Variants in ADAMTS16 observed in about 807,000 individuals in gnomAD.
ADAMTS16 encodes ADAM metallopeptidase with thrombospondin type 1 motif 16.
In ADAMTS16, 94 loss-of-function variants were observed where a neutral mutation model predicts 145.8. The ratio of observed to expected loss-of-function variants is 0.64; its 90% confidence interval spans 0.55 to 0.77. ADAMTS16 has a LOEUF of 0.77. ADAMTS16 is among the 30% of genes least tolerant of loss of function. The pLI is 0.00. For missense variants in ADAMTS16, 1,585 were observed against 1,591.5 expected (o/e 1.00, Z 0.07); for synonymous variants, 659 against 604.3 (o/e 1.09, Z -1.33).
chr5:5,304,791 T>G (rs1739958612), intron 20 of ADAMTS16, among the ~76,000 whole-genome samples: 1 of 152,064 alleles, frequency 6.6e-6, no homozygotes. Flanking sequence ...AGGGTAGGAA[T>G]GAGTGTCCCA....
At chr5:5,209,274 G>A (rs370863865) in intron 10 of ADAMTS16, 28 bp downstream of exon 10, 1 of 1,610,088 alleles carries the variant, frequency 6.2e-7, no homozygotes, top group Non-Finnish European at 8.5e-7. Flanking sequence ...CATGCTCAAT[G>A]CAACATGATT....
chr5:5,182,774 T>C lies in ADAMTS16; in HGVS notation c.763+469T>C, dbSNP rs1735377224. Among the ~76,000 whole-genome samples the C allele has an allele frequency of 7.0e-5, 10 of 143,224 alleles. No individual in the cohort carries two copies. In the South Asian group the frequency reaches 2.2e-3, roughly 32 times the overall value. 94.0% of individuals were successfully genotyped at this position (143,224 alleles called of 152,430 possible). A position where few individuals can be genotyped will look rare whatever the true frequency, so the allele number is the denominator to read the frequency against. On this transcript the variant is annotated intron_variant, in intron 4 of 22. Transcript: ENST00000274181. ...GACCTGCGATTTATCACCAAAGCTT[T>C]ATCAGAGTCTTTTTTTGTCATGAAC...
Position 5,186,265 on chromosome 5 carries a change from T to G in ADAMTS16, c.963+14T>G. 1 of 1,611,026 alleles carries G rather than the reference T, an allele frequency of 6.2e-7. No individual in the cohort carries two copies. The highest frequency in any genetic ancestry group is 8.5e-7 in the Non-Finnish European group (1 of 1,178,794). The stretch of plus-strand genomic sequence containing the variant: ...ATACTCAACATGGTAGGATCATCCT[T>G]CCAGTTGAGGCCACCTGTGTCATTG... On this transcript the variant is annotated intron_variant, in intron 5 of 22. Transcript: ENST00000274181.
At chr5:5,288,689 G>A (rs11134104) in intron 18 of ADAMTS16, among the ~76,000 whole-genome samples, 128,957 of 152,278 alleles carry the variant, frequency 0.85, 55,043 homozygotes, top group Non-Finnish European at 0.89. Flanking sequence ...ATTACTAAAT[G>A]TATACATTTT....
chr5:5,295,719 G>A (rs1303674907), intron 18 of ADAMTS16, among the ~76,000 whole-genome samples: 1 of 152,238 alleles, frequency 6.6e-6, no homozygotes, highest in Middle Eastern at 3.2e-3. Flanking sequence ...GTCCAGAGAT[G>A]AACGGAGCAG....
chr5:5,167,936 T>C (rs1734927302), intron 3 of ADAMTS16, among the ~76,000 whole-genome samples: 1 of 152,254 alleles, frequency 6.6e-6, no homozygotes, highest in Non-Finnish European at 1.5e-5. Flanking sequence ...TTTAACTGTA[T>C]CCAATTTTAA....
chr5:5,239,363 G>A, intron 15 of ADAMTS16, 89 bp downstream of exon 15: 2 of 1,487,238 alleles, frequency 1.3e-6, no homozygotes, highest in Non-Finnish European at 1.8e-6. Flanking sequence ...AGTGAAAACA[G>A]CAGGACTTCC....
chr5:5,293,577 A>G (rs985257883), intron 18 of ADAMTS16, among the ~76,000 whole-genome samples: 4 of 152,134 alleles, frequency 2.6e-5, no homozygotes, highest in Non-Finnish European at 5.9e-5. Context: ...CTTGGATGCT[A>G]TGAGAGGGGG....
intron 3 of ADAMTS16, among the ~76,000 whole-genome samples, chr5:5,159,537 AT>A (rs1320743806): frequency 1.3e-5 from 2 of 152,218 alleles, no homozygotes; most frequent in African/African-American, 4.8e-5. Context: ...TGTAATACAA[AT>A]AAAATCTAAT....
At chr5:5,199,193 T>C (rs528681646) in intron 8 of ADAMTS16, among the ~76,000 whole-genome samples, 38 of 152,296 alleles carry the variant, frequency 2.5e-4, no homozygotes, top group South Asian at 1.2e-3. Context: ...AAGAAGAGAC[T>C]TGCTGATGAC....
chr5:5,233,869 T>C (rs1341176876), intron 12 of ADAMTS16, among the ~76,000 whole-genome samples: 2 of 152,246 alleles, frequency 1.3e-5, no homozygotes, highest in Non-Finnish European at 2.9e-5. Context: ...AGTAATGGGA[T>C]TGCTGGGTCA....
rs548170351 is a variant in ADAMTS16, at chr5:5,256,450, T to C, written c.2663-6207T>C. Among the ~76,000 whole-genome samples, 9 of 152,078 alleles carry C rather than the reference T, an allele frequency of 5.9e-5. 1 individual carries two copies. In the South Asian group the frequency reaches 1.9e-3, roughly 32 times the overall value. On this transcript the variant is annotated intron_variant, in intron 17 of 22. Transcript: ENST00000274181. ...GATAAACACAGTGTTTTTCATTGAGTTTTAAATTTTTTTACTACATTGTTA... is the reference window on the plus strand; with the variant it reads ...GATAAACACAGTGTTTTTCATTGAGCTTTAAATTTTTTTACTACATTGTTA...
intron 21 of ADAMTS16, among the ~76,000 whole-genome samples, chr5:5,311,711 T>C (rs1379588810): frequency 6.6e-6 from 1 of 151,148 alleles, no homozygotes; most frequent in African/African-American, 2.4e-5. Context: ...CATGCCCAGC[T>C]AGTTTTTGTT....
chr5:5,313,235 C>A (rs1315613087), intron 21 of ADAMTS16, among the ~76,000 whole-genome samples: 1 of 152,122 alleles, frequency 6.6e-6, no homozygotes, highest in African/African-American at 2.4e-5. Context: ...CACTTGTGCC[C>A]AAGTCTCTGC....
At chr5:5,171,016 T>C (rs1171173265) in intron 3 of ADAMTS16, among the ~76,000 whole-genome samples, 11 of 152,322 alleles carry the variant, frequency 7.2e-5, no homozygotes, top group Middle Eastern at 6.8e-3. Context: ...AGGTATTGTA[T>C]TTTATTTGTA....
intron 18 of ADAMTS16, among the ~76,000 whole-genome samples, chr5:5,277,987 A>C (rs1170957220): frequency 6.6e-6 from 1 of 152,224 alleles, no homozygotes; most frequent in Non-Finnish European, 1.5e-5. Context: ...GTCTTAAAAA[A>C]AAGAAAAAAA....
intron 2 of ADAMTS16, 51 bp downstream of exon 2, chr5:5,140,817 A>T: frequency 6.8e-7 from 1 of 1,473,518 alleles, no homozygotes; most frequent in Non-Finnish European, 9.1e-7. Flanking sequence ...GCAGCTCGTA[A>T]TCTCCGTGCC....
chr5:5,192,478 A>T (rs558606531), intron 8 of ADAMTS16, among the ~76,000 whole-genome samples: 1 of 152,222 alleles, frequency 6.6e-6, no homozygotes, highest in Non-Finnish European at 1.5e-5. Context: ...CAATTTATAG[A>T]GATGCTATTT....
rs771024918 is a variant in ADAMTS16 at position 5,235,168 on chromosome 5, C to G, written c.2005C>G (p.Pro669Ala). The G allele has an allele frequency of 1.3e-6, 2 of 1,575,666 alleles. No individual in the cohort carries two copies. Among genetic ancestry groups the G allele is most frequent in the Admixed American group, 1.7e-5 (1 of 58,594 alleles). Residue 669 changes from proline to alanine, a missense_variant, in exon 13 of 23, where the codon CCT becomes GCT. Pro to Ala is a conservative substitution (Grantham distance 27). Coordinates refer to ENST00000274181, the MANE Select transcript of ADAMTS16 (RefSeq NM_139056.4). ...RFRGRHYKWK[P>A]YTQVEDQDLC... ...CAGAGGGCGGCACTACAAGTGGAAG[C>G]CTTACACTCAAGTAGAAGGTAAATC...
Sources: gnomAD v4.1 joint callset for allele counts (sites outside exome capture counted in the v4.1 genomes callset) on GRCh38, gnomAD v4.1.1 for gene constraint, MANE v1.5 for transcripts, NCBI Gene and HGNC (gene_info 2026-07-23, HGNC 2026-07-21) for gene names.